Variants in ACYP2 observed in about 807,000 individuals in gnomAD.
ACYP2 encodes acylphosphatase 2, also known as acylphosphatase-2.
A neutral mutation model predicts 11.2 loss-of-function variants in ACYP2; 12 were observed. The ratio of observed to expected loss-of-function variants is 1.08; its 90% CI spans 0.69 to 1.74. ACYP2 has a LOEUF of 1.74. Ranked by LOEUF, ACYP2 falls within the 40% of genes most tolerant of loss-of-function variation. ACYP2 has a pLI of 0.00. For missense variants in ACYP2, 134 were observed against 101.9 expected (o/e 1.31, Z -1.35); for synonymous variants, 43 against 32.2 (o/e 1.33, Z -1.13).
chr2:54,219,350 C>T (rs902442826), intron 6 of ACYP2, among the ~76,000 whole-genome samples: 13 of 151,928 alleles, frequency 8.6e-5, no homozygotes, highest in African/African-American at 2.9e-4. Context: ...AAAATTAATG[C>T]ACTCATATTA....
At chr2:54,275,230 T>C (rs949724302) in intron 6 of ACYP2, among the ~76,000 whole-genome samples, 2 of 152,220 alleles carry the variant, frequency 1.3e-5, no homozygotes, top group Non-Finnish European at 2.9e-5. Flanking sequence ...AACCCTTAAA[T>C]TGTATGAATT....
intron 6 of ACYP2, among the ~76,000 whole-genome samples, chr2:54,302,891 T>A (rs1689780996): frequency 1.3e-5 from 2 of 152,230 alleles, no homozygotes; most frequent in Non-Finnish European, 2.9e-5. Flanking sequence ...ATACTCAGAA[T>A]CTGAATCCTC....
At chr2:54,139,610 A>G (rs528350374) in intron 6 of ACYP2, among the ~76,000 whole-genome samples, 3 of 152,350 alleles carry the variant, frequency 2.0e-5, no homozygotes, top group East Asian at 3.8e-4. Context: ...AATTATCTCA[A>G]TCTTCACAAC....
At chr2:53,980,327 T>A (rs1671686425) in intron 2 of ACYP2, among the ~76,000 whole-genome samples, 1 of 151,146 alleles carries the variant, frequency 6.6e-6, no homozygotes, top group African/African-American at 2.5e-5. Flanking sequence ...TGTTCCAGCC[T>A]GGGAGATAGA....
chr2:54,198,129 C>T (rs1684593697), intron 6 of ACYP2, among the ~76,000 whole-genome samples: 1 of 152,030 alleles, frequency 6.6e-6, no homozygotes, highest in South Asian at 2.1e-4. Context: ...AAGTGATTCT[C>T]CTGCCTTAGC....
intron 6 of ACYP2, among the ~76,000 whole-genome samples, chr2:54,252,590 A>G (rs959252266): frequency 3.9e-5 from 6 of 152,040 alleles, no homozygotes; most frequent in African/African-American, 1.4e-4. Context: ...ACATGCTTCA[A>G]TTTTACCATC....
intron 4 of ACYP2, among the ~76,000 whole-genome samples, chr2:54,113,270 C>T (rs1260604302): frequency 2.0e-5 from 3 of 148,052 alleles, no homozygotes; most frequent in East Asian, 2.0e-4. Flanking sequence ...GACAGGGTCT[C>T]GCTCTGTCAC....
intron 4 of ACYP2, among the ~76,000 whole-genome samples, chr2:54,066,271 C>G (rs1399499984): frequency 1.3e-5 from 2 of 152,084 alleles, no homozygotes; most frequent in African/African-American, 2.4e-5. Context: ...CGTGGTGGAT[C>G]CTCCTCTCCT....
chr2:54,201,613 TTTCTTTCTTTG>T (rs1558608556), intron 6 of ACYP2, among the ~76,000 whole-genome samples: 25 of 79,764 alleles, frequency 3.1e-4, no homozygotes, highest in African/African-American at 1.1e-3. Context: ...TCTTTCTTTC[TTTCTTTCTTTG>T]TTTCTTTCTT....
At chr2:54,248,622 C>T (rs1687069741) in intron 6 of ACYP2, among the ~76,000 whole-genome samples, 1 of 152,072 alleles carries the variant, frequency 6.6e-6, no homozygotes, top group South Asian at 2.1e-4. Flanking sequence ...TTAAGTTTGG[C>T]ATTTGTCACA....
intron 6 of ACYP2, among the ~76,000 whole-genome samples, chr2:54,200,999 G>C (rs1224076532): frequency 6.6e-6 from 1 of 151,984 alleles, no homozygotes; most frequent in Admixed American, 6.6e-5. Context: ...TTCCCTGGCG[G>C]CTGATCATGT....
chr2:54,035,801 T>A (rs1214006222), intron 2 of ACYP2, among the ~76,000 whole-genome samples: 1 of 152,172 alleles, frequency 6.6e-6, no homozygotes, highest in African/African-American at 2.4e-5. Flanking sequence ...ACATTTTGGG[T>A]GATCATGGAG....
At chr2:53,994,335 A>AG (rs1672455260) in intron 2 of ACYP2, among the ~76,000 whole-genome samples, 1 of 147,862 alleles carries the variant, frequency 6.8e-6, no homozygotes, top group African/African-American at 2.5e-5. Flanking sequence ...GTCTCAAAAA[A>AG]AAAAAAAAAA....
At chr2:54,112,812 G>C (rs1679527300) in intron 4 of ACYP2, among the ~76,000 whole-genome samples, 1 of 152,218 alleles carries the variant, frequency 6.6e-6, no homozygotes, top group Admixed American at 6.5e-5. Context: ...ATTTCCGTTT[G>C]CTAATGTTAG....
intron 6 of ACYP2, among the ~76,000 whole-genome samples, chr2:54,158,750 TGAGG>T (rs1487139909): frequency 6.6e-6 from 1 of 152,198 alleles, no homozygotes; most frequent in Non-Finnish European, 1.5e-5. Flanking sequence ...GCCTCGTGGC[TGAGG>T]AAGTTTTGCT....
At chr2:54,052,919 T>C (rs1394170275) in intron 3 of ACYP2, among the ~76,000 whole-genome samples, 1 of 152,230 alleles carries the variant, frequency 6.6e-6, no homozygotes, top group East Asian at 1.9e-4. Context: ...GTGCCAGTTA[T>C]CAATTTATTG....
rs141725920 is a variant in ACYP2 at position 54,019,609 on chromosome 2, TTTA to T, written c.63-31325_63-31323del. On this transcript the variant is annotated intron_variant, in intron 2 of 6. Coordinates refer to ENST00000607452, the MANE Select transcript of ACYP2 (RefSeq NM_001320586.2). ...AGCCACCATTCCTGGCCCCTGTGCTTTTATTATTATTATTATTATTATTATTTT... is the reference window on the plus strand; with the variant it reads ...AGCCACCATTCCTGGCCCCTGTGCTTTTATTATTATTATTATTATTATTTT... Among the ~76,000 whole-genome samples, 16 of 148,604 alleles carry T rather than the reference TTTA, an allele frequency of 1.1e-4. 1 individual carries two copies. The highest frequency in any genetic ancestry group is 8.8e-4 in the South Asian group (4 of 4,568).
chr2:54,152,861 T>C (rs1157195207), intron 6 of ACYP2, among the ~76,000 whole-genome samples: 1 of 152,068 alleles, frequency 6.6e-6, no homozygotes, highest in Non-Finnish European at 1.5e-5. Context: ...ATAGGGTCTT[T>C]CTGTGTTGCC....
chr2:54,054,373 C>T (rs987505557), intron 3 of ACYP2, among the ~76,000 whole-genome samples: 2 of 152,170 alleles, frequency 1.3e-5, no homozygotes, highest in South Asian at 2.1e-4. Context: ...TTCTTGCCAA[C>T]GATGCATTTC....
Sources: allele counts gnomAD v4.1 joint callset (sites outside exome capture counted in the v4.1 genomes callset), GRCh38; gene constraint gnomAD v4.1.1; transcripts MANE v1.5; gene names NCBI Gene and HGNC (gene_info 2026-07-23, HGNC 2026-07-21).